INPP4B: variants seen among roughly 807,000 people sequenced by gnomAD.
INPP4B encodes inositol polyphosphate-4-phosphatase type II B.
A neutral mutation model predicts 122.5 loss-of-function variants in INPP4B; 55 were observed. The observed-to-expected ratio is 0.45, with a 90% CI of 0.36 to 0.56. The LOEUF (loss-of-function observed/expected upper bound fraction) is 0.56. Ranked by LOEUF, INPP4B falls within the 20% of genes least tolerant of loss-of-function variation. The probability of loss-of-function intolerance (pLI) is 0.00; values close to 1 mark genes in which losing one functional copy is unlikely to be tolerated. For synonymous variants in INPP4B, 403 were observed against 388.7 expected, an observed-to-expected ratio of 1.04 and a Z score of -0.43; for missense variants, 1,000 against 1,097.7, an observed-to-expected ratio of 0.91 and a Z score of 1.26.
chr4:142,082,308 T>C (rs1306774690), intron 24 of INPP4B, 123 bp from the exon 25 acceptor site: 6 of 756,766 alleles, frequency 7.9e-6, no homozygotes, highest in Non-Finnish European at 5.9e-6. Flanking sequence ...TAGTTTATGA[T>C]AGTCAATTTG....
chr4:142,488,201 T>C (rs1821429754), intron 2 of INPP4B, among the ~76,000 whole-genome samples: 1 of 152,094 alleles, frequency 6.6e-6, no homozygotes, highest in African/African-American at 2.4e-5. Flanking sequence ...ATACAATACA[T>C]GATTAATTTT....
Position 142,137,115 on chromosome 4 carries a change from T to G in INPP4B, c.1720+8725A>C, listed in dbSNP as rs576508954. 1.2e-3 allele frequency among the ~76,000 whole-genome samples: 177 copies of G among 152,258 alleles called. 1 individual carries two copies. Among genetic ancestry groups the G allele is most frequent in the Admixed American group, 0.01 (155 of 15,296 alleles). On this transcript the variant is annotated intron_variant, in intron 18 of 25. Coordinates refer to ENST00000262992, the MANE Select transcript of INPP4B (RefSeq NM_001101669.3). Reference sequence around the variant, plus strand: ...CAAAAGAACAAAGCTGGAGGCATCATGCTACCTGACTTCAAACTATACTAC... The same window carrying G: ...CAAAAGAACAAAGCTGGAGGCATCAGGCTACCTGACTTCAAACTATACTAC...
chr4:142,540,040 G>C (rs1828754345), intron 2 of INPP4B, among the ~76,000 whole-genome samples: 1 of 151,676 alleles, frequency 6.6e-6, no homozygotes, highest in Non-Finnish European at 1.5e-5. Flanking sequence ...ACTTTTTTAG[G>C]GAGAAATACT....
intron 5 of INPP4B, among the ~76,000 whole-genome samples, chr4:142,405,910 G>A (rs1036446307): frequency 6.6e-6 from 1 of 152,022 alleles, no homozygotes; most frequent in Non-Finnish European, 1.5e-5. Context: ...TGGAATTCAA[G>A]CTAAGCCTGG....
intron 25 of INPP4B, among the ~76,000 whole-genome samples, chr4:142,050,341 G>A (rs1753826178): frequency 6.6e-6 from 1 of 151,942 alleles, no homozygotes; most frequent in Admixed American, 6.6e-5. Flanking sequence ...CCAAAAGGAT[G>A]TCATTCTGGT....
intron 2 of INPP4B, among the ~76,000 whole-genome samples, chr4:142,707,458 GC>G (rs1362289488): frequency 6.6e-6 from 1 of 152,182 alleles, no homozygotes; most frequent in African/African-American, 2.4e-5. Context: ...TGGAAGAGGG[GC>G]CTGGTGGGAT....
chr4:142,049,426 T>G (rs1753281016), intron 25 of INPP4B, among the ~76,000 whole-genome samples: 1 of 152,052 alleles, frequency 6.6e-6, no homozygotes, highest in Admixed American at 6.6e-5. Flanking sequence ...AGAAAATTTA[T>G]GCCTGAAAGA....
intron 1 of INPP4B, among the ~76,000 whole-genome samples, chr4:142,799,028 A>G (rs1777650255): frequency 6.6e-6 from 1 of 151,884 alleles, no homozygotes; most frequent in South Asian, 2.1e-4. Context: ...ACCCATGAGC[A>G]CATAATACAC....
intron 1 of INPP4B, among the ~76,000 whole-genome samples, chr4:142,815,346 T>C (rs1779992463): frequency 6.6e-6 from 1 of 152,220 alleles, no homozygotes; most frequent in African/African-American, 2.4e-5. Flanking sequence ...TCAGCACTGG[T>C]TCATTAATTG....
chr4:142,781,777 T>C (rs1182297446), intron 1 of INPP4B, among the ~76,000 whole-genome samples: 1 of 152,068 alleles, frequency 6.6e-6, no homozygotes, highest in Non-Finnish European at 1.5e-5. Flanking sequence ...ATTAAACATA[T>C]AGAATATAAT....
At chr4:142,270,889 AC>A (rs1163196749) in intron 9 of INPP4B, 115 bp from the exon 10 acceptor site, 1 of 696,024 alleles carries the variant, frequency 1.4e-6, no homozygotes, top group East Asian at 2.6e-5. Flanking sequence ...TAATAAGACA[AC>A]ATCTGCATAA....
At chr4:142,642,983 C>T (rs1241983297) in intron 2 of INPP4B, among the ~76,000 whole-genome samples, 1 of 152,170 alleles carries the variant, frequency 6.6e-6, no homozygotes, top group African/African-American at 2.4e-5. Flanking sequence ...AGGTCCTTCA[C>T]ATCCCTTGTA....
chr4:142,205,582 A>G (rs956600679), intron 14 of INPP4B, among the ~76,000 whole-genome samples: 3 of 152,170 alleles, frequency 2.0e-5, no homozygotes, highest in Non-Finnish European at 4.4e-5. Context: ...CATGTATAAT[A>G]AAGCTACCAT....
chr4:142,532,761 A>G (rs1827769776), intron 2 of INPP4B, among the ~76,000 whole-genome samples: 3 of 152,228 alleles, frequency 2.0e-5, no homozygotes, highest in Non-Finnish European at 2.9e-5. Flanking sequence ...AGTAAAAACT[A>G]TGCTCAACAT....
At chr4:142,488,714 C>A (rs905312510) in intron 2 of INPP4B, among the ~76,000 whole-genome samples, 15 of 152,058 alleles carry the variant, frequency 9.9e-5, no homozygotes, top group Non-Finnish European at 2.2e-4. Flanking sequence ...CTCTTAATAT[C>A]TTTAGCATAT....
In INPP4B at chr4:142,191,691, T is replaced by C. The variant is rs147513551; in HGVS notation, c.1181+1396A>G. Among the ~76,000 whole-genome samples, 270 of 152,290 alleles carry C rather than the reference T, an allele frequency of 1.8e-3. 1 individual carries two copies. Among genetic ancestry groups the C allele is most frequent in the African/African-American group, 6.3e-3 (260 of 41,580 alleles). On this transcript the variant is annotated intron_variant, in intron 15 of 25. Transcript: ENST00000262992. The stretch of plus-strand genomic sequence containing the variant: ...AATGGGTAACCTGAGGGAGTTTCTT[T>C]GTGGTGATGAAACAGTTCTATATGA...
At chr4:142,761,325 A>T (rs1267456632) in intron 1 of INPP4B, among the ~76,000 whole-genome samples, 1 of 152,116 alleles carries the variant, frequency 6.6e-6, no homozygotes, top group Non-Finnish European at 1.5e-5. Flanking sequence ...TTTTGTGCAT[A>T]GGTTCCTTTT....
At chr4:142,356,005 CA>C (rs373259340) in intron 7 of INPP4B, among the ~76,000 whole-genome samples, 31 of 151,270 alleles carry the variant, frequency 2.0e-4, no homozygotes, top group African/African-American at 7.3e-4. Flanking sequence ...ACTGGGGCTA[CA>C]AAAAATTAGA....
At chr4:142,246,501 A>G (rs969245836) in intron 11 of INPP4B, among the ~76,000 whole-genome samples, 1 of 152,174 alleles carries the variant, frequency 6.6e-6, no homozygotes. Context: ...CTCCTTGCAG[A>G]GGTCCTTCAT....
Sources: allele counts gnomAD v4.1 joint callset (sites outside exome capture counted in the v4.1 genomes callset), GRCh38; gene constraint gnomAD v4.1.1; transcripts MANE v1.5; gene names NCBI Gene and HGNC (gene_info 2026-07-23, HGNC 2026-07-21).